The following VWA8 variants were observed in gnomAD, a reference collection of about 807,000 sequenced individuals.
VWA8 encodes the protein von Willebrand factor A domain-containing protein 8.
A neutral mutation model predicts 241.5 loss-of-function variants in VWA8; 221 were observed. The observed-to-expected ratio is 0.91, with a 90% confidence interval of 0.82 to 1.02. The LOEUF is 1.02. VWA8 is among the 50% of genes least tolerant of loss of function. The probability of loss-of-function intolerance (pLI) is 0.00; values close to 1 mark genes in which losing one functional copy is unlikely to be tolerated. For synonymous variants in VWA8, 852 were observed against 827.1 expected, an observed-to-expected ratio of 1.03 and a Z score of -0.52; for missense variants, 2,322 against 2,328.7, an observed-to-expected ratio of 1.00 and a Z score of 0.06.
chr13:41,636,614 A>G (rs2044758339), intron 37 of VWA8, among the ~76,000 whole-genome samples: 1 of 152,206 alleles, frequency 6.6e-6, no homozygotes, highest in South Asian at 2.1e-4. Context: ...GTACAGCAAA[A>G]GAAACTACCT....
At chr13:41,804,504 A>G (rs1318862769) in intron 17 of VWA8, among the ~76,000 whole-genome samples, 9 of 151,466 alleles carry the variant, frequency 5.9e-5, no homozygotes, top group Admixed American at 1.3e-4. Context: ...CCTACAAGGG[A>G]AAAAAAAAGG....
At chr13:41,584,972 C>G (rs2044407152) in intron 42 of VWA8, among the ~76,000 whole-genome samples, 2 of 152,106 alleles carry the variant, frequency 1.3e-5, no homozygotes, top group African/African-American at 2.4e-5. Context: ...GGCTACCCAG[C>G]AGAGTGCTCT....
intron 21 of VWA8, among the ~76,000 whole-genome samples, chr13:41,752,668 T>C (rs1206080555): frequency 6.6e-6 from 1 of 152,070 alleles, no homozygotes; most frequent in Non-Finnish European, 1.5e-5. Context: ...CAAACCAATG[T>C]TTGATAAGAA....
chr13:41,770,088 G>A (rs768466700), intron 20 of VWA8, among the ~76,000 whole-genome samples: 1 of 152,112 alleles, frequency 6.6e-6, no homozygotes, highest in South Asian at 2.1e-4. Flanking sequence ...GAGAGTAAGA[G>A]GCACCATATG....
intron 2 of VWA8, among the ~76,000 whole-genome samples, chr13:41,927,643 A>G (rs1668691600): frequency 6.6e-6 from 1 of 152,236 alleles, no homozygotes; most frequent in Admixed American, 6.5e-5. Context: ...AAATCAAAGC[A>G]TAGTGTTATA....
chr13:41,922,854 A>T (rs1488345461), intron 2 of VWA8, among the ~76,000 whole-genome samples: 1 of 152,256 alleles, frequency 6.6e-6, no homozygotes, highest in African/African-American at 2.4e-5. Context: ...AAACTAGTTC[A>T]ACCATTGTGG....
At chr13:41,799,233 T>C (rs1869838987) in intron 17 of VWA8, among the ~76,000 whole-genome samples, 1 of 152,220 alleles carries the variant, frequency 6.6e-6, no homozygotes, top group Admixed American at 6.5e-5. Flanking sequence ...AATATTCAGA[T>C]AGGATATTTA....
chr13:41,643,578 C>T (rs999508531), intron 37 of VWA8, among the ~76,000 whole-genome samples: 12 of 152,194 alleles, frequency 7.9e-5, no homozygotes, highest in African/African-American at 2.9e-4. Context: ...GCTTAGGGAG[C>T]TAACGTTGTT....
intron 18 of VWA8, among the ~76,000 whole-genome samples, chr13:41,784,719 T>TACATACACACAC (rs1226033020): frequency 1.4e-5 from 1 of 72,672 alleles, no homozygotes; most frequent in Non-Finnish European, 3.0e-5. Context: ...TATATATATA[T>TACATACACACAC]ATATATATAT....
chr13:41,669,697 C>T (rs2045009420), intron 37 of VWA8, among the ~76,000 whole-genome samples: 1 of 152,070 alleles, frequency 6.6e-6, no homozygotes. Context: ...AATTCAAACA[C>T]AATAGTATTT....
intron 37 of VWA8, among the ~76,000 whole-genome samples, chr13:41,650,111 C>T (rs916815330): frequency 3.9e-5 from 6 of 152,142 alleles, no homozygotes; most frequent in Non-Finnish European, 7.3e-5. Flanking sequence ...AATCTTTAAT[C>T]TATAATAGAT....
At chr13:41,748,557 A>T (rs2045628402) in intron 21 of VWA8, among the ~76,000 whole-genome samples, 1 of 152,124 alleles carries the variant, frequency 6.6e-6, no homozygotes, top group African/African-American at 2.4e-5. Context: ...TAGCTCCTAG[A>T]TCCACTGATT....
intron 24 of VWA8, among the ~76,000 whole-genome samples, chr13:41,725,559 G>A (rs911226647): frequency 6.6e-6 from 1 of 152,152 alleles, no homozygotes; most frequent in African/African-American, 2.4e-5. Context: ...AAGAAGAGTA[G>A]GGTTGGAGAG....
rs1392847752 is a variant in VWA8, at chr13:41,692,983, T to C, written c.3565-11A>G. On this transcript the variant is annotated splice_polypyrimidine_tract_variant and intron_variant, in intron 29 of 44. Transcript: ENST00000379310. ...CAGGATAACATTACTCTGCAAATGA[T>C]AAAAACAGTGAAAAGCTCAAGATTT... 1 of 1,522,598 alleles carries C rather than the reference T, an allele frequency of 6.6e-7. No homozygotes were observed. The highest frequency in any genetic ancestry group is 1.4e-5 in the African/African-American group (1 of 71,050). 94.3% of individuals were successfully genotyped at this position (1,522,598 alleles called of 1,614,324 possible).
intron 23 of VWA8, among the ~76,000 whole-genome samples, chr13:41,729,166 CAT>C (rs2045460838): frequency 6.6e-6 from 1 of 151,366 alleles, no homozygotes; most frequent in African/African-American, 2.4e-5. Context: ...GTATTCACCA[CAT>C]ATATGTGTAC....
chr13:41,725,265 C>T (rs553774446), intron 24 of VWA8, among the ~76,000 whole-genome samples: 3 of 152,044 alleles, frequency 2.0e-5, no homozygotes, highest in Non-Finnish European at 4.4e-5. Context: ...GTGGTAGGAT[C>T]AATGGATTGA....
chr13:41,755,721 A>G (rs889484398), intron 21 of VWA8, among the ~76,000 whole-genome samples: 10 of 151,886 alleles, frequency 6.6e-5, no homozygotes, highest in Non-Finnish European at 7.4e-5. Context: ...CATCATGAAT[A>G]CCATCTTCTT....
At chr13:41,751,717 A>C (rs2045657410) in intron 21 of VWA8, among the ~76,000 whole-genome samples, 1 of 152,188 alleles carries the variant, frequency 6.6e-6, no homozygotes, top group Non-Finnish European at 1.5e-5. Flanking sequence ...TGGTTTCATA[A>C]AGAAACTATG....
chr13:41,718,521 T>G (rs1279925278), intron 26 of VWA8, among the ~76,000 whole-genome samples: 2 of 151,940 alleles, frequency 1.3e-5, no homozygotes, highest in African/African-American at 4.8e-5. Context: ...AATGCACGGA[T>G]AATATAATTT....
Sources: gnomAD v4.1 joint callset for allele counts (sites outside exome capture counted in the v4.1 genomes callset) on GRCh38, gnomAD v4.1.1 for gene constraint, MANE v1.5 for transcripts, NCBI Gene and HGNC (gene_info 2026-07-23, HGNC 2026-07-21) for gene names.